The following RAD51B variants were observed in gnomAD, a reference collection of about 807,000 sequenced individuals.
RAD51B encodes the protein DNA repair protein RAD51 homolog 2.
RAD51B carries 38 observed loss-of-function variants against 42.2 expected under a neutral mutation model. That is an observed-to-expected ratio of 0.90 (90% CI 0.70 to 1.18). The LOEUF (loss-of-function observed/expected upper bound fraction) is 1.18, where lower values mean the gene tolerates loss of function less well. Among genes scored for constraint, RAD51B ranks in the 50% most tolerant of loss-of-function variants. The pLI is 0.00. For missense variants in RAD51B, 373 were observed against 400.7 expected (o/e 0.93, Z 0.59); for synonymous variants, 154 against 145.2 (o/e 1.06, Z -0.43).
In RAD51B at chr14:67,859,671, T is replaced by C. The variant is rs77584758; in HGVS notation, c.316-5332T>C. On this transcript the variant is annotated intron_variant, in intron 4 of 10. Coordinates refer to ENST00000471583, the MANE Select transcript of RAD51B (RefSeq NM_133510.4). The stretch of plus-strand genomic sequence containing the variant: ...ACATAACTCAGTATCTAGAAAAATG[T>C]CATTAAAATAAATAATAGATATTTA... Among the ~76,000 whole-genome samples the C allele has an allele frequency of 8.4e-3, 1,272 of 152,308 alleles. 31 individuals carry two copies. Among genetic ancestry groups the C allele is most frequent in the Middle Eastern group, 6.8e-3 (2 of 294 alleles).
chr14:68,649,325 C>T (rs1892651653), intron 10 of RAD51B, among the ~76,000 whole-genome samples: 1 of 152,184 alleles, frequency 6.6e-6, no homozygotes, highest in African/African-American at 2.4e-5. Flanking sequence ...AACTGGGACT[C>T]ACAGGAATAG....
chr14:68,045,770 T>G (rs1265736646), intron 7 of RAD51B, among the ~76,000 whole-genome samples: 1 of 152,144 alleles, frequency 6.6e-6, no homozygotes, highest in Non-Finnish European at 1.5e-5. Context: ...AAGGACAAGG[T>G]GGCTATGGGG....
intron 7 of RAD51B, among the ~76,000 whole-genome samples, chr14:68,103,448 C>T (rs1380739366): frequency 6.6e-6 from 1 of 152,040 alleles, no homozygotes; most frequent in Non-Finnish European, 1.5e-5. Context: ...AATGAAGTGG[C>T]CCAGAGGCAG....
intron 7 of RAD51B, among the ~76,000 whole-genome samples, chr14:68,159,008 T>G (rs1472627385): frequency 1.3e-5 from 2 of 152,156 alleles, no homozygotes; most frequent in Non-Finnish European, 2.9e-5. Flanking sequence ...ATTTTTTTTT[T>G]GCAACTTTTA....
At chr14:67,860,227 A>T (rs766517460) in intron 4 of RAD51B, among the ~76,000 whole-genome samples, 3 of 152,202 alleles carry the variant, frequency 2.0e-5, no homozygotes, top group Admixed American at 6.5e-5. Flanking sequence ...AGAGGATGCT[A>T]TATATTTGAA....
intron 8 of RAD51B, among the ~76,000 whole-genome samples, chr14:68,338,207 G>A (rs1285510758): frequency 6.6e-6 from 1 of 152,102 alleles, no homozygotes; most frequent in Non-Finnish European, 1.5e-5. Flanking sequence ...AATACAACTG[G>A]ACTTCATAAG....
intron 7 of RAD51B, among the ~76,000 whole-genome samples, chr14:68,185,847 T>G (rs58407913): frequency 6.6e-6 from 1 of 152,186 alleles, no homozygotes; most frequent in Non-Finnish European, 1.5e-5. Flanking sequence ...CACCTCCTGT[T>G]GTGTGGCCCA....
chr14:68,552,847 T>C (rs955321907), intron 10 of RAD51B, among the ~76,000 whole-genome samples: 1 of 152,220 alleles, frequency 6.6e-6, no homozygotes, highest in South Asian at 2.1e-4. Flanking sequence ...CAGGAAATGC[T>C]GCACTTAAAG....
chr14:68,602,510 ATAGATAGCTAGC>A (rs1394453409), intron 10 of RAD51B, among the ~76,000 whole-genome samples: 11 of 143,104 alleles, frequency 7.7e-5, no homozygotes, highest in South Asian at 2.2e-4. Flanking sequence ...GGATAGCTAG[ATAGATAGCTAGC>A]TAGATAGATA....
intron 7 of RAD51B, among the ~76,000 whole-genome samples, chr14:68,073,214 T>G (rs563122358): frequency 6.6e-5 from 10 of 152,330 alleles, no homozygotes; most frequent in African/African-American, 2.4e-4. Context: ...CAGTGTTGGG[T>G]GCATATATAT....
intron 7 of RAD51B, among the ~76,000 whole-genome samples, chr14:68,213,517 G>A (rs2079753621): frequency 6.6e-6 from 1 of 152,220 alleles, no homozygotes; most frequent in Non-Finnish European, 1.5e-5. Flanking sequence ...AGTATGTTAA[G>A]TCTTGAAGGA....
intron 7 of RAD51B, among the ~76,000 whole-genome samples, chr14:68,030,862 A>C (rs2076030342): frequency 6.6e-6 from 1 of 152,208 alleles, no homozygotes; most frequent in African/African-American, 2.4e-5. Context: ...CCTAGAGGCC[A>C]CTGTAGGGTT....
chr14:68,645,638 T>A (rs576819579), intron 10 of RAD51B, among the ~76,000 whole-genome samples: 10 of 152,226 alleles, frequency 6.6e-5, no homozygotes, highest in Non-Finnish European at 1.2e-4. Context: ...ACAGTTTCAA[T>A]GTCTCTACAT....
At chr14:67,985,815 CGGCA>C (rs2075178096) in intron 7 of RAD51B, among the ~76,000 whole-genome samples, 1 of 151,650 alleles carries the variant, frequency 6.6e-6, no homozygotes, top group African/African-American at 2.4e-5. Flanking sequence ...GAGGCTGAGG[CGGCA>C]GGATGGCTGG....
At chr14:68,099,905 A>G (rs933048966) in intron 7 of RAD51B, among the ~76,000 whole-genome samples, 3 of 152,196 alleles carry the variant, frequency 2.0e-5, no homozygotes, top group African/African-American at 7.2e-5. Context: ...AAACCGATTA[A>G]ATCTGGAAGG....
chr14:67,832,899 T>A (rs1022182195), intron 3 of RAD51B, among the ~76,000 whole-genome samples: 2 of 152,194 alleles, frequency 1.3e-5, no homozygotes, highest in Non-Finnish European at 2.9e-5. Context: ...AAACATCTTT[T>A]AAAAATCAGG....
intron 7 of RAD51B, among the ~76,000 whole-genome samples, chr14:68,211,440 T>C (rs570394020): frequency 6.6e-6 from 1 of 152,140 alleles, no homozygotes; most frequent in Non-Finnish European, 1.5e-5. Flanking sequence ...ACCTCTTTTG[T>C]GTTGCCAACT....
intron 8 of RAD51B, among the ~76,000 whole-genome samples, chr14:68,307,376 C>A (rs1300951291): frequency 6.6e-6 from 1 of 152,166 alleles, no homozygotes; most frequent in African/African-American, 2.4e-5. Flanking sequence ...CCAGGTTGAA[C>A]GAGAGCACAC....
At chr14:67,832,932 A>G (rs1234604722) in intron 3 of RAD51B, among the ~76,000 whole-genome samples, 1 of 152,250 alleles carries the variant, frequency 6.6e-6, no homozygotes, top group East Asian at 1.9e-4. Flanking sequence ...ATCCCAGAAG[A>G]TTAATAAAAG....
Sources: gnomAD v4.1 joint callset for allele counts (sites outside exome capture counted in the v4.1 genomes callset) on GRCh38, gnomAD v4.1.1 for gene constraint, MANE v1.5 for transcripts, NCBI Gene and HGNC (gene_info 2026-07-23, HGNC 2026-07-21) for gene names.